CNTNAP2: variants seen among roughly 807,000 people sequenced by gnomAD.
CNTNAP2 encodes contactin-associated protein-like 2.
A neutral mutation model predicts 155.2 loss-of-function variants in CNTNAP2; 98 were observed. The ratio of observed to expected loss-of-function variants is 0.63; its 90% confidence interval spans 0.54 to 0.75. The LOEUF (loss-of-function observed/expected upper bound fraction) is 0.75. Ranked by LOEUF, CNTNAP2 falls within the 30% of genes least tolerant of loss-of-function variation. The pLI is 0.00. For synonymous variants in CNTNAP2, 651 were observed against 631.2 expected (o/e 1.03, Z -0.47); for missense variants, 1,727 against 1,688.1 (o/e 1.02, Z -0.40).
chr7:146,223,480 G>C (rs1799241502), intron 1 of CNTNAP2, among the ~76,000 whole-genome samples: 1 of 152,160 alleles, frequency 6.6e-6, no homozygotes, highest in Non-Finnish European at 1.5e-5. Flanking sequence ...GAGTGGACAT[G>C]GGGAGGACTC....
At chr7:147,561,242 C>A (rs1800059464) in intron 11 of CNTNAP2, among the ~76,000 whole-genome samples, 2 of 152,282 alleles carry the variant, frequency 1.3e-5, no homozygotes, top group Admixed American at 1.3e-4. Context: ...TCAAGTGCAA[C>A]TTACCCAAAG....
chr7:146,960,757 G>A (rs772559001), intron 3 of CNTNAP2, among the ~76,000 whole-genome samples: 10 of 152,092 alleles, frequency 6.6e-5, no homozygotes, highest in Admixed American at 1.3e-4. Flanking sequence ...TAAGGCTAAG[G>A]TTCTCCAAAG....
chr7:148,056,607 A>G (rs1307349022), intron 15 of CNTNAP2: 4 of 152,188 alleles, frequency 2.6e-5, no homozygotes, highest in Non-Finnish European at 1.5e-5. Context: ...ATGCTCACTG[A>G]GCATATGCCC....
intron 13 of CNTNAP2, among the ~76,000 whole-genome samples, chr7:147,753,655 C>T (rs565717959): frequency 1.2e-4 from 19 of 152,002 alleles, no homozygotes; most frequent in Admixed American, 6.6e-4. Flanking sequence ...AAAAATAATT[C>T]GGTAATGGGG....
At chr7:146,519,440 C>G (rs1183248105) in intron 1 of CNTNAP2, among the ~76,000 whole-genome samples, 1 of 151,780 alleles carries the variant, frequency 6.6e-6, no homozygotes, top group Admixed American at 6.6e-5. Flanking sequence ...TAAAATAGCT[C>G]TATTACCTAT....
intron 1 of CNTNAP2, among the ~76,000 whole-genome samples, chr7:146,512,874 C>T (rs1373665846): frequency 6.6e-6 from 1 of 151,864 alleles, no homozygotes; most frequent in Non-Finnish European, 1.5e-5. Flanking sequence ...CTGTCCATTA[C>T]TGGTAGGGGG....
intron 3 of CNTNAP2, among the ~76,000 whole-genome samples, chr7:146,989,819 T>A (rs921732594): frequency 6.6e-6 from 1 of 152,126 alleles, no homozygotes; most frequent in African/African-American, 2.4e-5. Flanking sequence ...AAAATGCATT[T>A]CTTAGCTTAT....
At chr7:146,551,999 T>C (rs1798129528) in intron 1 of CNTNAP2, among the ~76,000 whole-genome samples, 2 of 152,054 alleles carry the variant, frequency 1.3e-5, no homozygotes, top group African/African-American at 4.8e-5. Flanking sequence ...GAAAAAAATA[T>C]ATTTATATAT....
chr7:148,219,030 C>A (rs1795696543), intron 19 of CNTNAP2, among the ~76,000 whole-genome samples: 1 of 150,322 alleles, frequency 6.7e-6, no homozygotes, highest in Admixed American at 6.6e-5. Context: ...GCAACCTCCG[C>A]CCCTCGAGTT....
chr7:146,899,486 CT>C (rs1795948663), intron 3 of CNTNAP2, among the ~76,000 whole-genome samples: 1 of 134,980 alleles, frequency 7.4e-6, no homozygotes, highest in Non-Finnish European at 1.7e-5. Flanking sequence ...CTCTCTTTCA[CT>C]TTCCCTGCAT....
chr7:146,945,783 A>G (rs1797153881), intron 3 of CNTNAP2, among the ~76,000 whole-genome samples: 1 of 152,262 alleles, frequency 6.6e-6, no homozygotes, highest in South Asian at 2.1e-4. Context: ...TTGGAAATGT[A>G]AGAAAATGTA....
chr7:146,973,272 C>G (rs1040184932), intron 3 of CNTNAP2, among the ~76,000 whole-genome samples: 16 of 152,162 alleles, frequency 1.1e-4, no homozygotes, highest in Non-Finnish European at 2.1e-4. Context: ...AGGTGATCCA[C>G]CCGCCTCAGC....
intron 8 of CNTNAP2, among the ~76,000 whole-genome samples, chr7:147,246,042 T>TGCATATATATACACATATATATG (rs1554457358): frequency 1.9e-5 from 2 of 106,550 alleles, no homozygotes; most frequent in Admixed American, 1.1e-4. Context: ...ACATATAACG[T>TGCATATATATACACATATATATG]GCATATATAT....
chr7:147,789,364 C>A (rs565011394), intron 13 of CNTNAP2, among the ~76,000 whole-genome samples: 2 of 152,284 alleles, frequency 1.3e-5, no homozygotes, highest in South Asian at 4.1e-4. Context: ...TACTACATGG[C>A]AGAATATTTT....
chr7:148,137,669 A>AAAGGAAGGAAGGAAGGAAGG (rs35867113), intron 16 of CNTNAP2, among the ~76,000 whole-genome samples: 24 of 107,740 alleles, frequency 2.2e-4, no homozygotes, highest in South Asian at 6.8e-4. Flanking sequence ...CTCAGAAAAA[A>AAAGGAAGGAAGGAAGGAAGG]AAGGAAGGAA....
chr7:146,658,745 A>G (rs1800035494), intron 1 of CNTNAP2, among the ~76,000 whole-genome samples: 1 of 152,190 alleles, frequency 6.6e-6, no homozygotes, highest in South Asian at 2.1e-4. Context: ...TGATGAGGTA[A>G]GTGTGTGGAC....
At chr7:148,322,960 C>G (rs1190925874) in intron 21 of CNTNAP2, among the ~76,000 whole-genome samples, 1 of 152,110 alleles carries the variant, frequency 6.6e-6, no homozygotes, top group Non-Finnish European at 1.5e-5. Context: ...TGTGCCAAAT[C>G]ATTCAGATCT....
intron 18 of CNTNAP2, among the ~76,000 whole-genome samples, chr7:148,199,050 A>G (rs900843835): frequency 6.6e-6 from 1 of 152,176 alleles, no homozygotes; most frequent in African/African-American, 2.4e-5. Flanking sequence ...AGGCCATGGT[A>G]AGGGCTTGGC....
At chr7:146,526,909 C>T (rs801946) in intron 1 of CNTNAP2, among the ~76,000 whole-genome samples, 5,400 of 152,012 alleles carry the variant, frequency 0.036, 305 homozygotes, top group African/African-American at 0.12. Context: ...GGATTTAAAA[C>T]TTTTTATTAC....
Sources: allele counts gnomAD v4.1 joint callset (sites outside exome capture counted in the v4.1 genomes callset), GRCh38; gene constraint gnomAD v4.1.1; transcripts MANE v1.5; gene names NCBI Gene and HGNC (gene_info 2026-07-23, HGNC 2026-07-21).